The following CHST11 variants were observed in gnomAD, a reference collection of about 807,000 sequenced individuals.
The protein encoded by CHST11 is C4S-1.
In CHST11, 9 loss-of-function variants were observed where a neutral mutation model predicts 30.4. That is an observed-to-expected ratio of 0.30 (90% CI 0.18 to 0.52). The LOEUF is 0.52. Ranked by LOEUF, CHST11 falls within the 20% of genes least tolerant of loss-of-function variation. The pLI is 0.97. For synonymous variants in CHST11, 152 were observed against 187.8 expected (o/e 0.81, Z 1.56); for missense variants, 348 against 460.6 (o/e 0.76, Z 2.24).
Position 104,522,878 on chromosome 12 carries a change from C to T in CHST11, c.118+65349C>T, listed in dbSNP as rs116102888. Among the ~76,000 whole-genome samples the T allele has an allele frequency of 5.3e-3, 814 of 152,150 alleles. 6 individuals carry two copies. Among genetic ancestry groups the T allele is most frequent in the African/African-American group, 0.018 (733 of 41,498 alleles). On this transcript the variant is annotated intron_variant, in intron 1 of 2. Transcript: ENST00000303694. Reference sequence around the variant, plus strand: ...GATGGGTTTTATTTTTTCTCATCATCCTTGATAAAGGCAAAATGGTGGTAT... The same window carrying T: ...GATGGGTTTTATTTTTTCTCATCATTCTTGATAAAGGCAAAATGGTGGTAT...
rs149505631 is a variant in CHST11 at position 104,527,497 on chromosome 12, G to A, written c.118+69968G>A. On this transcript the variant is annotated intron_variant, in intron 1 of 2. Transcript: ENST00000303694. Reference sequence around the variant, plus strand: ...CTCAGTTCTAGGCTACCTGCTCTGCGTGAGGCCCTCTGAGACCATCCTTCT... The same window carrying A: ...CTCAGTTCTAGGCTACCTGCTCTGCATGAGGCCCTCTGAGACCATCCTTCT... 4.2e-3 allele frequency among the ~76,000 whole-genome samples: 643 copies of A among 152,232 alleles called. 6 individuals carry two copies. Among genetic ancestry groups the A allele is most frequent in the African/African-American group, 0.014 (601 of 41,552 alleles).
intron 2 of CHST11, among the ~76,000 whole-genome samples, chr12:104,703,417 T>C (rs2040006529): frequency 6.6e-6 from 1 of 152,156 alleles, no homozygotes; most frequent in South Asian, 2.1e-4. Context: ...GACATCCTCC[T>C]TTTCCATGCC....
chr12:104,656,439 C>G (rs2039544428), intron 2 of CHST11, among the ~76,000 whole-genome samples: 2 of 152,148 alleles, frequency 1.3e-5, no homozygotes, highest in Non-Finnish European at 2.9e-5. Context: ...GTGCCTTGAC[C>G]TGAGCACAGC....
intron 2 of CHST11, among the ~76,000 whole-genome samples, chr12:104,614,828 TGGGAGAG>T (rs887594271): frequency 5.4e-4 from 82 of 151,524 alleles, no homozygotes; most frequent in African/African-American, 1.9e-3. Flanking sequence ...AGAGGGGAGA[TGGGAGAG>T]GGGAGAGGGG....
chr12:104,561,980 G>T (rs1001359715), intron 1 of CHST11, among the ~76,000 whole-genome samples: 7 of 152,064 alleles, frequency 4.6e-5, no homozygotes, highest in African/African-American at 1.7e-4. Context: ...ACTTGGGAAT[G>T]CTGGACTCCA....
At chr12:104,631,314 C>G (rs1327378467) in intron 2 of CHST11, among the ~76,000 whole-genome samples, 1 of 152,216 alleles carries the variant, frequency 6.6e-6, no homozygotes, top group Non-Finnish European at 1.5e-5. Context: ...TAGTTTGCAT[C>G]TGATAATTCA....
chr12:104,660,640 C>A (rs2039590438), intron 2 of CHST11, among the ~76,000 whole-genome samples: 1 of 152,146 alleles, frequency 6.6e-6, no homozygotes, highest in African/African-American at 2.4e-5. Context: ...TCACAGGAGC[C>A]TTGTGAAGAT....
At chr12:104,654,669 G>A (rs1214800992) in intron 2 of CHST11, among the ~76,000 whole-genome samples, 3 of 151,918 alleles carry the variant, frequency 2.0e-5, no homozygotes, top group Non-Finnish European at 2.9e-5. Flanking sequence ...CAGAGACTTC[G>A]GCCTGTCCAC....
chr12:104,541,124 T>TCG (rs1393829978), intron 1 of CHST11, among the ~76,000 whole-genome samples: 3 of 128,758 alleles, frequency 2.3e-5, no homozygotes, highest in African/African-American at 9.1e-5. Context: ...CCTCTCTCTC[T>TCG]CTCTCTCACA....
At chr12:104,514,321 C>T (rs1291143611) in intron 1 of CHST11, 12 of 954,510 alleles carry the variant, frequency 1.3e-5, no homozygotes, top group Non-Finnish European at 2.1e-5. Context: ...ATTGGCTGTG[C>T]CAGAAACCTG....
At chr12:104,655,307 A>G (rs2039534038) in intron 2 of CHST11, among the ~76,000 whole-genome samples, 1 of 152,220 alleles carries the variant, frequency 6.6e-6, no homozygotes, top group South Asian at 2.1e-4. Context: ...TCCACTTCAC[A>G]GCATTTCTTT....
intron 1 of CHST11, among the ~76,000 whole-genome samples, chr12:104,583,763 A>G (rs1226655885): frequency 2.0e-5 from 3 of 150,464 alleles, no homozygotes; most frequent in African/African-American, 7.5e-5. Flanking sequence ...CCCAGGCTGG[A>G]GTGTAGTGGC....
intron 1 of CHST11, among the ~76,000 whole-genome samples, chr12:104,597,309 AT>A (rs2038914983): frequency 6.6e-6 from 1 of 152,116 alleles, no homozygotes; most frequent in Non-Finnish European, 1.5e-5. Context: ...TTAAAAAAAA[AT>A]CTTTAATCCC....
intron 1 of CHST11, among the ~76,000 whole-genome samples, chr12:104,554,442 G>C (rs1320483720): frequency 2.0e-5 from 3 of 152,176 alleles, no homozygotes; most frequent in Non-Finnish European, 4.4e-5. Flanking sequence ...GGTAAGACAG[G>C]GAGCAAGGAT....
In CHST11 at chr12:104,738,083, G is replaced by A. The variant is rs58767163; in HGVS notation, c.205-18866G>A. Among the ~76,000 whole-genome samples the A allele has an allele frequency of 8.9e-3, 1,360 of 152,160 alleles. 20 individuals are homozygous for A. The highest frequency in any genetic ancestry group is 0.031 in the African/African-American group (1,304 of 41,518). On this transcript the variant is annotated intron_variant, in intron 2 of 2. Transcript: ENST00000303694. ...GTATAAAAAAGGATCCCAACGTCCC[G>A]CCCTGCTGGACCGGTGTAATTATGT... is the stretch of plus-strand genomic sequence containing the variant.
intron 2 of CHST11, among the ~76,000 whole-genome samples, chr12:104,657,689 C>T (rs764250954): frequency 3.3e-5 from 5 of 152,168 alleles, no homozygotes; most frequent in Non-Finnish European, 7.4e-5. Context: ...TTTCCAAGTG[C>T]CCCATGTGTT....
At chr12:104,503,142 C>T (rs925449390) in intron 1 of CHST11, among the ~76,000 whole-genome samples, 3 of 152,198 alleles carry the variant, frequency 2.0e-5, no homozygotes, top group Admixed American at 2.0e-4. Flanking sequence ...GAGCAATATG[C>T]CCATCCAGAC....
chr12:104,612,857 T>C (rs1172875924), intron 2 of CHST11, among the ~76,000 whole-genome samples: 1 of 152,150 alleles, frequency 6.6e-6, no homozygotes, highest in African/African-American at 2.4e-5. Context: ...CCAAAGGAAG[T>C]GCAAGCAGCA....
chr12:104,556,929 T>A (rs532421586), intron 1 of CHST11, among the ~76,000 whole-genome samples: 1 of 142,698 alleles, frequency 7.0e-6, no homozygotes, highest in African/African-American at 2.6e-5. Context: ...TACAGTGAGC[T>A]AAGATTGCAC....
Sources: gnomAD v4.1 joint callset for allele counts (sites outside exome capture counted in the v4.1 genomes callset) on GRCh38, gnomAD v4.1.1 for gene constraint, MANE v1.5 for transcripts, NCBI Gene and HGNC (gene_info 2026-07-23, HGNC 2026-07-21) for gene names.